SAE1: variants seen among roughly 807,000 people sequenced by gnomAD.
SAE1 encodes the protein SUMO1 activating enzyme subunit 1, also known as SUMO-activating enzyme subunit 1.
SAE1 carries 11 observed loss-of-function variants against 40.6 expected under a neutral mutation model. That is an observed-to-expected ratio of 0.27 (90% CI 0.17 to 0.45). The LOEUF (loss-of-function observed/expected upper bound fraction) is 0.45. Among genes scored for constraint, SAE1 ranks in the 20% least tolerant of loss-of-function variants. The pLI is 1.00. For synonymous variants in SAE1, 155 were observed against 154.3 expected (o/e 1.00, Z -0.03); for missense variants, 373 against 427.3 (o/e 0.87, Z 1.12).
At chr19:47,170,864 G>A (rs751228288) in intron 6 of SAE1, among the ~76,000 whole-genome samples, 1 of 152,098 alleles carries the variant, frequency 6.6e-6, no homozygotes, top group Non-Finnish European at 1.5e-5. Context: ...TGAAAGGTGG[G>A]GTTGTTTTTC....
At chr19:47,183,350 G>A (rs986039111) in intron 6 of SAE1, among the ~76,000 whole-genome samples, 16 of 152,142 alleles carry the variant, frequency 1.1e-4, no homozygotes, top group Middle Eastern at 3.4e-3. Context: ...GTCATCACAC[G>A]CAGTAAGTGT....
intron 1 of SAE1, among the ~76,000 whole-genome samples, chr19:47,139,925 C>G (rs867960640): frequency 1.4e-5 from 2 of 146,338 alleles, no homozygotes; most frequent in South Asian, 4.3e-4. Flanking sequence ...TTTGTGCCCA[C>G]TTGGGTATTT....
chr19:47,180,082 C>G, intron 6 of SAE1: 1 of 426,234 alleles, frequency 2.3e-6, no homozygotes, highest in African/African-American at 2.0e-5. Context: ...GTTTCTTATA[C>G]GTAGATGTAG....
intron 1 of SAE1, among the ~76,000 whole-genome samples, chr19:47,137,296 G>A (rs893618185): frequency 1.8e-4 from 27 of 152,068 alleles, no homozygotes; most frequent in Non-Finnish European, 2.9e-4. Context: ...GCTGAGGCAG[G>A]AGAATTGTTT....
At chr19:47,200,757 A>G (rs1233027260) in intron 7 of SAE1, among the ~76,000 whole-genome samples, 4 of 152,160 alleles carry the variant, frequency 2.6e-5, no homozygotes, top group Non-Finnish European at 4.4e-5. Flanking sequence ...ACTCATTTAT[A>G]TATTATCTGT....
Position 47,196,726 on chromosome 19 carries a change from A to G in SAE1, c.734-507A>G, listed in dbSNP as rs188046204. The stretch of plus-strand genomic sequence containing the variant: ...CTTCCACTGCTTTCTGCCCCCTTCA[A>G]ACTCATATATACTTCATTGAATTGT... On this transcript the variant is annotated intron_variant, in intron 6 of 8. Transcript: ENST00000270225. 3.3e-3 allele frequency among the ~76,000 whole-genome samples: 501 copies of G among 151,448 alleles called. 3 individuals carry two copies. The highest frequency in any genetic ancestry group is 0.012 in the African/African-American group (476 of 41,280).
At position 47,209,172 on chromosome 19, in the gene SAE1, G is replaced by A. The variant is rs553541465; in HGVS notation, c.962G>A (p.Arg321Gln). 9.9e-6 allele frequency: 16 copies of A among 1,613,666 alleles called. No individual in the cohort carries two copies. Among genetic ancestry groups the A allele is most frequent in the South Asian group, 2.2e-5 (2 of 91,042 alleles). Residue 321 changes from arginine to glutamine, a missense_variant, in exon 9 of 9, where the codon CGG becomes CAG. Physicochemically the swap from Arg to Gln is conservative, Grantham distance 43. Around this residue, in one of 3 missense-constraint regions of SAE1, gnomAD observed 351 missense variants for 390.6 expected, o/e 0.90. Coordinates refer to ENST00000270225, the MANE Select transcript of SAE1 (RefSeq NM_005500.3). The part of the protein sequence containing the change: ...AQEIVKALSQ[R>Q]DPPHNNFFFF... ...TTTTCTCCCCAGGCCCTGTCTCAGC[G>A]GGACCCTCCTCACAACAACTTCTTC...
chr19:47,160,263 C>A (rs1322768982), intron 5 of SAE1, among the ~76,000 whole-genome samples: 5 of 141,778 alleles, frequency 3.5e-5, no homozygotes, highest in Non-Finnish European at 7.5e-5. Context: ...ACTCTATCAC[C>A]CAAGCTGGAG....
At chr19:47,160,518 C>T (rs1280232770) in intron 5 of SAE1, among the ~76,000 whole-genome samples, 2 of 151,520 alleles carry the variant, frequency 1.3e-5, no homozygotes, top group Non-Finnish European at 2.9e-5. Context: ...CCTCAGCCTC[C>T]CGAGTAGCTG....
At chr19:47,156,962 C>T (rs1034775645) in intron 5 of SAE1, among the ~76,000 whole-genome samples, 18 of 152,092 alleles carry the variant, frequency 1.2e-4, no homozygotes, top group Admixed American at 1.3e-4. Flanking sequence ...CATGACCAAG[C>T]CCATATTTAC....
intron 1 of SAE1, among the ~76,000 whole-genome samples, chr19:47,137,703 TTGTGTGTGTG>T (rs35991953): frequency 3.7e-5 from 5 of 135,036 alleles, no homozygotes; most frequent in African/African-American, 5.5e-5. Context: ...ACTCAGCTGA[TTGTGTGTGTG>T]TGTGTGTGTG....
chr19:47,172,751 T>C (rs1479340922), intron 6 of SAE1, among the ~76,000 whole-genome samples: 2 of 149,328 alleles, frequency 1.3e-5, no homozygotes, highest in African/African-American at 5.0e-5. Flanking sequence ...ACTCCAGAGT[T>C]GAAAAGTGTA....
chr19:47,205,320 C>CTT (rs11291244), intron 8 of SAE1, among the ~76,000 whole-genome samples: 2 of 129,198 alleles, frequency 1.5e-5, no homozygotes, highest in Non-Finnish European at 3.2e-5. Context: ...CCTAAGGCTA[C>CTT]TTTTTTTTTT....
At chr19:47,179,467 A>G (rs2058492380) in intron 6 of SAE1, among the ~76,000 whole-genome samples, 1 of 151,536 alleles carries the variant, frequency 6.6e-6, no homozygotes, top group Non-Finnish European at 1.5e-5. Context: ...AGGTTGCTCC[A>G]TTGCACTCCA....
At chr19:47,186,584 G>A (rs531041366) in intron 6 of SAE1, among the ~76,000 whole-genome samples, 1 of 152,178 alleles carries the variant, frequency 6.6e-6, no homozygotes, top group Non-Finnish European at 1.5e-5. Context: ...CTTTAATTTG[G>A]TAAGCAAAAA....
At chr19:47,200,705 C>G (rs2058648421) in intron 7 of SAE1, among the ~76,000 whole-genome samples, 1 of 152,124 alleles carries the variant, frequency 6.6e-6, no homozygotes, top group Admixed American at 6.6e-5. Flanking sequence ...GGCAAACTGG[C>G]TTGCCACCTC....
chr19:47,166,237 A>G (rs1012916323), intron 5 of SAE1, among the ~76,000 whole-genome samples: 12 of 152,130 alleles, frequency 7.9e-5, no homozygotes, highest in Admixed American at 2.6e-4. Context: ...AGCCACCAGT[A>G]TTGTGGGACA....
intron 7 of SAE1, among the ~76,000 whole-genome samples, chr19:47,199,645 C>T (rs1034142174): frequency 1.3e-5 from 2 of 152,160 alleles, no homozygotes; most frequent in Admixed American, 6.6e-5. Flanking sequence ...GCTGCACACT[C>T]ACGGCCCAGC....
chr19:47,155,743 C>T (rs1315782397), intron 5 of SAE1, among the ~76,000 whole-genome samples: 2 of 144,774 alleles, frequency 1.4e-5, no homozygotes, highest in Non-Finnish European at 3.0e-5. Context: ...TGCCCGGCCC[C>T]ATACCCTTTT....
Sources: gnomAD v4.1 joint callset for allele counts (sites outside exome capture counted in the v4.1 genomes callset) on GRCh38, gnomAD v4.1.1 for gene constraint, gnomAD v4.1.1 regional missense constraint, MANE v1.5 for transcripts, NCBI Gene and HGNC (gene_info 2026-07-23, HGNC 2026-07-21) for gene names.